The following GAB2 variants were observed in gnomAD, a reference collection of about 807,000 sequenced individuals.
GAB2 encodes the protein GRB2-associated-binding protein 2.
A neutral mutation model predicts 65.5 loss-of-function variants in GAB2; 26 were observed. The ratio of observed to expected loss-of-function variants is 0.40; its 90% CI spans 0.29 to 0.55. The LOEUF is 0.55. Among genes scored for constraint, GAB2 ranks in the 20% least tolerant of loss-of-function variants. The pLI is 0.53. For missense variants in GAB2, 884 were observed against 875.8 expected (o/e 1.01, Z -0.12); for synonymous variants, 321 against 329.6 (o/e 0.97, Z 0.28).
At chr11:78,341,545 T>C (rs1856095244) in intron 1 of GAB2, among the ~76,000 whole-genome samples, 1 of 152,188 alleles carries the variant, frequency 6.6e-6, no homozygotes, top group South Asian at 2.1e-4. Context: ...ATAATGATCC[T>C]GCACTAGGGT....
chr11:78,301,913 A>G (rs1334663847), intron 1 of GAB2, among the ~76,000 whole-genome samples: 2 of 152,236 alleles, frequency 1.3e-5, no homozygotes, highest in Non-Finnish European at 2.9e-5. Context: ...CTGATCTTCA[A>G]CAAAGCGAAC....
chr11:78,358,471 T>TAATAAA (rs1856391235), intron 1 of GAB2, among the ~76,000 whole-genome samples: 1 of 137,138 alleles, frequency 7.3e-6, no homozygotes. Flanking sequence ...ATAATAATAA[T>TAATAAA]AATAAAGTGA....
At chr11:78,229,686 C>T (rs1032225710) in intron 3 of GAB2, among the ~76,000 whole-genome samples, 1 of 152,174 alleles carries the variant, frequency 6.6e-6, no homozygotes, top group African/African-American at 2.4e-5. Flanking sequence ...CAGGATTAAG[C>T]CCAAACTCCT....
At chr11:78,322,553 T>C (rs1032126959) in intron 1 of GAB2, among the ~76,000 whole-genome samples, 3 of 151,788 alleles carry the variant, frequency 2.0e-5, no homozygotes, top group Non-Finnish European at 4.4e-5. Context: ...TTGTAAACTA[T>C]GCATCTGACA....
At position 78,216,865 on chromosome 11, in the gene GAB2, T is replaced by G. The variant is rs1356390386; in HGVS notation, c.*2407A>C. The G allele has an allele frequency of 6.6e-6, 1 of 152,034 alleles. No homozygotes were observed. Among genetic ancestry groups the G allele is most frequent in the Non-Finnish European group, 1.5e-5 (1 of 68,008 alleles). 9.4% of individuals were successfully genotyped at this position (152,034 alleles called of 1,614,324 possible). A position where few individuals can be genotyped will look rare whatever the true frequency, so the allele number is the denominator to read the frequency against. On this transcript the variant is annotated 3_prime_UTR_variant, in exon 10 of 10. Coordinates refer to ENST00000361507, the MANE Select transcript of GAB2 (RefSeq NM_080491.3). ...GGCACACATTCAGGGCTGGGCAGAG[T>G]GAACCAGCACCCTGCCAACTCTGCC... is the stretch of plus-strand genomic sequence containing the variant.
chr11:78,326,029 C>A (rs947042107), intron 1 of GAB2, among the ~76,000 whole-genome samples: 1 of 152,164 alleles, frequency 6.6e-6, no homozygotes, highest in Non-Finnish European at 1.5e-5. Context: ...GACAATCATT[C>A]TTATCTTGTG....
chr11:78,362,285 C>T (rs545651437), intron 1 of GAB2, among the ~76,000 whole-genome samples: 91 of 152,178 alleles, frequency 6.0e-4, no homozygotes, highest in African/African-American at 2.2e-3. Context: ...AGAGAAGAGA[C>T]TTCTCACAGT....
intron 1 of GAB2, among the ~76,000 whole-genome samples, chr11:78,304,254 T>A (rs1855301579): frequency 6.6e-6 from 1 of 152,188 alleles, no homozygotes; most frequent in Non-Finnish European, 1.5e-5. Flanking sequence ...AGTATACAAT[T>A]TAGGGTTTTT....
At chr11:78,378,809 C>G (rs1856663982) in intron 1 of GAB2, among the ~76,000 whole-genome samples, 1 of 152,102 alleles carries the variant, frequency 6.6e-6, no homozygotes, top group Non-Finnish European at 1.5e-5. Context: ...TTATATTTAA[C>G]CAAATCATAT....
At position 78,216,763 on chromosome 11, in the gene GAB2, C is replaced by T. The variant is rs914485566; in HGVS notation, c.*2509G>A. The T allele has an allele frequency of 8.5e-5, 13 of 152,310 alleles. No individual in the cohort carries two copies. The highest frequency in any genetic ancestry group is 2.7e-4 in the African/African-American group (11 of 41,446). The allele number at this position is 152,310 out of a possible 1,614,324, so 9.4% of individuals were successfully genotyped here. ...GGGAGGCTGCAATAGTCTGGGCCCA[C>T]TTGTGGCTGCTGCGGGTACAGGGAA... On this transcript the variant is annotated 3_prime_UTR_variant, in exon 10 of 10. Coordinates refer to ENST00000361507, the MANE Select transcript of GAB2 (RefSeq NM_080491.3).
intron 1 of GAB2, among the ~76,000 whole-genome samples, chr11:78,412,031 AAACAACAACAAC>A (rs373083805): frequency 1.3e-5 from 2 of 150,646 alleles, no homozygotes; most frequent in Non-Finnish European, 1.5e-5. Context: ...ATCTGTCTAA[AAACAACAACAAC>A]AACAACAACA....
chr11:78,371,205 A>G (rs922381285), intron 1 of GAB2, among the ~76,000 whole-genome samples: 3 of 152,244 alleles, frequency 2.0e-5, no homozygotes, highest in Admixed American at 6.5e-5. Context: ...TATACAGAAT[A>G]GAACTTTAAC....
At chr11:78,225,568 A>G (rs1366778867) in intron 4 of GAB2, among the ~76,000 whole-genome samples, 1 of 152,196 alleles carries the variant, frequency 6.6e-6, no homozygotes, top group Non-Finnish European at 1.5e-5. Context: ...TATTTTCCCA[A>G]TGAGATGTAA....
chr11:78,280,874 G>A lies in GAB2; in HGVS notation c.103C>T (p.Arg35Trp), dbSNP rs749287658. The A allele has an allele frequency of 2.5e-6, 4 of 1,613,874 alleles. No homozygotes were observed. Among genetic ancestry groups the A allele is most frequent in the South Asian group, 1.1e-5 (1 of 91,082 alleles). Residue 35 changes from arginine (R) to tryptophan (W), a missense_variant, in exon 2 of 10, where the codon CGG becomes TGG. Coordinates refer to ENST00000361507, the MANE Select transcript of GAB2 (RefSeq NM_080491.3). ...GGGTCACCGCTCATCCGGCCACTCC[G>A]CAGGATAAACCAGCGTTTCTTCCAG... ...YAWKKRWFIL[R>W]SGRMSGDPDV...
intron 1 of GAB2, among the ~76,000 whole-genome samples, chr11:78,313,552 C>A (rs1300999479): frequency 6.6e-6 from 1 of 152,190 alleles, no homozygotes. Flanking sequence ...AGACCCACAG[C>A]CTCCCTATGA....
chr11:78,361,826 A>G (rs1565173378), intron 1 of GAB2, among the ~76,000 whole-genome samples: 3 of 152,196 alleles, frequency 2.0e-5, no homozygotes, highest in Admixed American at 6.5e-5. Context: ...CCAAAAGTGT[A>G]AGAGTATATA....
chr11:78,322,634 T>C lies in GAB2; in HGVS notation c.76-41733A>G, dbSNP rs542082445. Among the ~76,000 whole-genome samples the C allele has an allele frequency of 1.3e-4, 20 of 152,086 alleles. No individual in the cohort carries two copies. In the East Asian group the frequency reaches 3.9e-3, roughly 29 times the overall value. The stretch of plus-strand genomic sequence containing the variant: ...ATAAAAAACACAAATAATACCATTA[T>C]AAAGTGGGCAAAGGACATGAACAGA... On this transcript the variant is annotated intron_variant, in intron 1 of 9. Transcript: ENST00000361507.
At chr11:78,347,439 A>G (rs539885706) in intron 1 of GAB2, among the ~76,000 whole-genome samples, 13 of 152,334 alleles carry the variant, frequency 8.5e-5, no homozygotes, top group African/African-American at 2.9e-4. Flanking sequence ...GAGTTGGGCA[A>G]TCATGGACTT....
At chr11:78,309,683 A>T (rs903530479) in intron 1 of GAB2, among the ~76,000 whole-genome samples, 2 of 152,034 alleles carry the variant, frequency 1.3e-5, no homozygotes, top group Non-Finnish European at 2.9e-5. Context: ...AATGATATTC[A>T]ACTGGTCTCA....
Sources: allele counts gnomAD v4.1 joint callset (sites outside exome capture counted in the v4.1 genomes callset), GRCh38; gene constraint gnomAD v4.1.1; transcripts MANE v1.5; gene names NCBI Gene and HGNC (gene_info 2026-07-23, HGNC 2026-07-21).